AUTS2: variants seen among roughly 807,000 people sequenced by gnomAD.
AUTS2 encodes the protein activator of transcription and developmental regulator AUTS2, also known as autism susceptibility gene 2 protein.
Under a neutral mutation model 112.4 loss-of-function variants are expected in AUTS2, and 17 were observed. The observed-to-expected ratio is 0.15, with a 90% CI of 0.10 to 0.23. The LOEUF is 0.23. AUTS2 is among the 10% of genes least tolerant of loss of function. The pLI, the probability that AUTS2 is intolerant of heterozygous loss-of-function variation, is 1.00. For missense variants in AUTS2, 1,510 were observed against 1,701.6 expected, an observed-to-expected ratio of 0.89 and a Z score of 1.98; for synonymous variants, 751 against 702.7, an observed-to-expected ratio of 1.07 and a Z score of -1.09.
intron 1 of AUTS2, among the ~76,000 whole-genome samples, chr7:69,782,095 C>T (rs545934655): frequency 3.9e-5 from 6 of 152,184 alleles, no homozygotes; most frequent in Admixed American, 2.0e-4. Flanking sequence ...CTTCGCGGCC[C>T]GGCTCACACC....
At chr7:70,093,809 T>TG (rs1804044953) in intron 2 of AUTS2, among the ~76,000 whole-genome samples, 1 of 152,224 alleles carries the variant, frequency 6.6e-6, no homozygotes, top group Non-Finnish European at 1.5e-5. Context: ...GTAGAACTTG[T>TG]GTGAAGGATC....
chr7:70,623,313 G>A (rs990569226), intron 5 of AUTS2, among the ~76,000 whole-genome samples: 4 of 152,192 alleles, frequency 2.6e-5, no homozygotes, highest in African/African-American at 7.2e-5. Flanking sequence ...CAAGAGCATC[G>A]CTGAAGGTTT....
chr7:70,412,076 G>T (rs1047398248), intron 4 of AUTS2, among the ~76,000 whole-genome samples: 1 of 151,904 alleles, frequency 6.6e-6, no homozygotes. Context: ...TGTACTTTCA[G>T]TGGAGTTGAG....
At chr7:69,871,514 A>T (rs954691841) in intron 1 of AUTS2, among the ~76,000 whole-genome samples, 1 of 152,188 alleles carries the variant, frequency 6.6e-6, no homozygotes. Flanking sequence ...ACAGTAAGAG[A>T]GCTAACAACA....
At chr7:69,931,560 C>G (rs1174689483) in intron 2 of AUTS2, among the ~76,000 whole-genome samples, 2 of 152,156 alleles carry the variant, frequency 1.3e-5, no homozygotes, top group African/African-American at 4.8e-5. Flanking sequence ...CAGAGATAGT[C>G]TTGGAGGTGC....
At chr7:70,674,729 C>G (rs764427886) in intron 5 of AUTS2, among the ~76,000 whole-genome samples, 20 of 152,082 alleles carry the variant, frequency 1.3e-4, no homozygotes, top group Non-Finnish European at 2.5e-4. Flanking sequence ...AGCATGTACT[C>G]TAGATTTAAA....
intron 6 of AUTS2, among the ~76,000 whole-genome samples, chr7:70,717,543 G>A (rs1027627238): frequency 2.6e-5 from 4 of 152,158 alleles, no homozygotes; most frequent in Admixed American, 6.5e-5. Context: ...TGAGGGGTGG[G>A]TGGAAGAGCA....
chr7:70,735,950 T>C (rs1787757796), intron 6 of AUTS2, among the ~76,000 whole-genome samples: 1 of 152,154 alleles, frequency 6.6e-6, no homozygotes, highest in South Asian at 2.1e-4. Flanking sequence ...AAAATCCTTA[T>C]TTGATTGACA....
At chr7:70,230,964 A>G (rs1179477952) in intron 4 of AUTS2, among the ~76,000 whole-genome samples, 1 of 152,360 alleles carries the variant, frequency 6.6e-6, no homozygotes, top group East Asian at 1.9e-4. Flanking sequence ...TGCATCAGGA[A>G]GCAGGGGTGG....
chr7:70,706,212 G>T (rs919230598), intron 6 of AUTS2, among the ~76,000 whole-genome samples: 1 of 152,156 alleles, frequency 6.6e-6, no homozygotes, highest in African/African-American at 2.4e-5. Flanking sequence ...TCAGCCGCAG[G>T]TTTCTTTGTT....
chr7:70,790,041 C>G lies in AUTS2; in HGVS notation c.2825C>G (p.Pro942Arg). ...AAGCAGCTGGCCCGGGTGCCGTCTC[C>G]CTACGTGCGGACCCCGGTGGTGGAG... ...EAKQLARVPS[P>R]YVRTPVVESA... is the part of the protein sequence containing the mutation. The change falls in exon 19 of 19, where the codon CCC becomes CGC. Residue 942 changes from proline (P) to arginine (R), a missense_variant. Pro to Arg is a moderately radical substitution (Grantham distance 103, BLOSUM62 -2). This residue lies in a region of AUTS2 where 788 missense variants were observed against 797.6 expected (regional missense o/e 0.99). Coordinates refer to ENST00000342771, the MANE Select transcript of AUTS2 (RefSeq NM_015570.4). This position sits in a 1 kb window ranked among gnomAD's most constrained non-coding sequence, Gnocchi z 7.6. The G allele has an allele frequency of 6.3e-7, 1 of 1,582,030 alleles. No individual in the cohort carries two copies. The highest frequency in any genetic ancestry group is 8.6e-7 in the Non-Finnish European group (1 of 1,165,310).
At chr7:70,453,888 G>A (rs1408583845) in intron 5 of AUTS2, among the ~76,000 whole-genome samples, 1 of 152,128 alleles carries the variant, frequency 6.6e-6, no homozygotes, top group African/African-American at 2.4e-5. Context: ...AACATTTGCG[G>A]GCCTTACAAA....
chr7:69,808,549 C>G (rs1053762875), intron 1 of AUTS2, among the ~76,000 whole-genome samples: 3 of 152,146 alleles, frequency 2.0e-5, no homozygotes, highest in African/African-American at 7.2e-5. Flanking sequence ...CGCTTAGGCA[C>G]TAAATCATAT....
intron 1 of AUTS2, among the ~76,000 whole-genome samples, chr7:69,890,022 A>AT (rs1005202411): frequency 4.7e-5 from 7 of 150,226 alleles, no homozygotes; most frequent in East Asian, 3.9e-4. Context: ...GGAGGAGTTA[A>AT]TTTTTTTTTT....
intron 5 of AUTS2, among the ~76,000 whole-genome samples, chr7:70,636,634 G>A (rs1004179027): frequency 7.1e-6 from 1 of 141,014 alleles, no homozygotes; most frequent in African/African-American, 2.6e-5. Flanking sequence ...TTAAATTGAT[G>A]GCCTACAAAA....
chr7:70,398,205 G>A (rs1794171446), intron 4 of AUTS2, among the ~76,000 whole-genome samples: 1 of 152,148 alleles, frequency 6.6e-6, no homozygotes, highest in African/African-American at 2.4e-5. Flanking sequence ...ACAGCTTTAT[G>A]ATATGCTTGA....
At chr7:70,557,711 C>A (rs1332289623) in intron 5 of AUTS2, among the ~76,000 whole-genome samples, 1 of 152,146 alleles carries the variant, frequency 6.6e-6, no homozygotes, top group Non-Finnish European at 1.5e-5. Flanking sequence ...CAGATGTGTC[C>A]TCAAGTCCCG....
chr7:69,804,509 T>C (rs1202623264), intron 1 of AUTS2, among the ~76,000 whole-genome samples: 1 of 152,206 alleles, frequency 6.6e-6, no homozygotes. Context: ...CTCTACTTTC[T>C]AAGAGTCAGT....
chr7:70,086,213 G>A (rs1226894706), intron 2 of AUTS2, among the ~76,000 whole-genome samples: 1 of 152,142 alleles, frequency 6.6e-6, no homozygotes, highest in East Asian at 1.9e-4. Flanking sequence ...AAGACCTGCT[G>A]GGATTTTTAT....
Sources: allele counts gnomAD v4.1 joint callset (sites outside exome capture counted in the v4.1 genomes callset), GRCh38; gene constraint gnomAD v4.1.1; regional missense constraint gnomAD v4.1.1; non-coding constraint Gnocchi (gnomAD v3.1); transcripts MANE v1.5; gene names NCBI Gene and HGNC (gene_info 2026-07-23, HGNC 2026-07-21).